The following ANK3 variants were observed in gnomAD, a reference collection of about 807,000 sequenced individuals.
ANK3 encodes the protein ankyrin 3, also known as ankyrin-3.
ANK3 carries 57 observed loss-of-function variants against 370.9 expected under a neutral mutation model. That is an observed-to-expected ratio of 0.15 (90% CI 0.12 to 0.19). The LOEUF (loss-of-function observed/expected upper bound fraction) is 0.19, where lower values mean the gene tolerates loss of function less well. Among genes scored for constraint, ANK3 ranks in the 10% least tolerant of loss-of-function variants. The pLI is 1.00. For missense variants in ANK3, 4,439 were observed against 5,302.1 expected, an observed-to-expected ratio of 0.84 and a Z score of 5.06; for synonymous variants, 1,929 against 1,946.3, an observed-to-expected ratio of 0.99 and a Z score of 0.23.
chr10:60,695,724 C>T (rs962862052), intron 1 of ANK3, among the ~76,000 whole-genome samples: 127 of 152,280 alleles, frequency 8.3e-4, no homozygotes, highest in African/African-American at 3.0e-3. Context: ...ACACAACATA[C>T]CAGAATCTCT....
At chr10:60,287,190 C>A (rs959956219) in intron 1 of ANK3, among the ~76,000 whole-genome samples, 2 of 152,062 alleles carry the variant, frequency 1.3e-5, no homozygotes, top group African/African-American at 4.8e-5. Flanking sequence ...ACAGTTTTTG[C>A]TTTCACATAT....
chr10:60,460,876 G>C (rs1234173695), intron 2 of ANK3, among the ~76,000 whole-genome samples: 1 of 152,108 alleles, frequency 6.6e-6, no homozygotes, highest in African/African-American at 2.4e-5. Context: ...ACATACATGA[G>C]ATATGACTCT....
At chr10:60,453,496 GT>G (rs1188164403) in intron 2 of ANK3, among the ~76,000 whole-genome samples, 12 of 152,176 alleles carry the variant, frequency 7.9e-5, no homozygotes, top group African/African-American at 2.7e-4. Flanking sequence ...GTGCATGTGT[GT>G]GACTACAAAA....
chr10:60,035,468 G>T lies in ANK3; in HGVS notation c.*20-5642C>A, dbSNP rs903199190. On this transcript the variant is annotated intron_variant, in intron 43 of 43. Transcript: ENST00000280772. ...GGGTTTCACCATGTTGGCCAGGCTG[G>T]TCTCTAACTTCTGACCTCAGGTGAT... 4.0e-5 allele frequency among the ~76,000 whole-genome samples: 6 copies of T among 151,818 alleles called. No homozygotes were observed. The Middle Eastern group carries it at 0.01, about 258-fold the overall frequency.
At chr10:60,462,241 AAGG>A (rs2064903895) in intron 2 of ANK3, among the ~76,000 whole-genome samples, 1 of 152,178 alleles carries the variant, frequency 6.6e-6, no homozygotes, top group Admixed American at 6.5e-5. Context: ...AAACTACCAA[AAGG>A]AGAAGACTCG....
chr10:60,263,912 T>C lies in ANK3; in HGVS notation c.622A>G (p.Ile208Val). ...TTCGTGTCGTCTTTTCGGGCCGCGA[T>C]ATGAAGAGCTGGGAGACGCACTTTT... ...KGKVRLPALH[I>V]AARKDDTKAA... is the part of the protein sequence containing the mutation. Residue 208 changes from isoleucine to valine, a missense_variant, in exon 6 of 44, where the codon ATC (isoleucine) becomes GTC (valine). Ile to Val is a conservative substitution (Grantham distance 29). Coordinates refer to ENST00000280772, the MANE Select transcript of ANK3 (RefSeq NM_020987.5). The C allele has an allele frequency of 6.2e-7, 1 of 1,614,094 alleles. No homozygotes were observed. Among genetic ancestry groups the C allele is most frequent in the Non-Finnish European group, 8.5e-7 (1 of 1,180,008 alleles).
chr10:60,138,824 G>T, intron 24 of ANK3, 140 bp downstream of exon 24: 1 of 1,055,974 alleles, frequency 9.5e-7, no homozygotes, highest in Non-Finnish European at 1.4e-6. Context: ...ATGTGTATTT[G>T]CGTCGAGAAC....
intron 2 of ANK3, among the ~76,000 whole-genome samples, chr10:60,525,676 C>T (rs895343230): frequency 5.3e-5 from 8 of 152,062 alleles, no homozygotes; most frequent in Non-Finnish European, 7.4e-5. Flanking sequence ...GGATTCCTGT[C>T]CCTTTACCAT....
intron 25 of ANK3, among the ~76,000 whole-genome samples, chr10:60,126,702 A>G (rs1294982168): frequency 6.6e-6 from 1 of 151,510 alleles, no homozygotes; most frequent in Non-Finnish European, 1.5e-5. Flanking sequence ...AAAAAAAAAG[A>G]AAAGAAAAAA....
intron 2 of ANK3, among the ~76,000 whole-genome samples, chr10:60,594,095 C>G (rs921583809): frequency 6.6e-6 from 1 of 152,146 alleles, no homozygotes; most frequent in African/African-American, 2.4e-5. Context: ...AAAGAATTAT[C>G]TGTTTTAATT....
chr10:60,658,473 T>TC (rs2078895191), intron 1 of ANK3, among the ~76,000 whole-genome samples: 1 of 152,002 alleles, frequency 6.6e-6, no homozygotes. Context: ...TCTACTGACC[T>TC]CCCCCCACAC....
chr10:60,500,507 T>C (rs1219165741), intron 2 of ANK3, among the ~76,000 whole-genome samples: 4 of 152,154 alleles, frequency 2.6e-5, no homozygotes, highest in African/African-American at 9.7e-5. Flanking sequence ...GCTATTCAGT[T>C]GCTTAACCTA....
At chr10:60,540,548 A>G (rs1423491935) in intron 2 of ANK3, among the ~76,000 whole-genome samples, 1 of 151,912 alleles carries the variant, frequency 6.6e-6, no homozygotes, top group African/African-American at 2.4e-5. Context: ...CCATTTACTG[A>G]GTTAATCCTA....
At chr10:60,135,251 T>A (rs758165951) in intron 24 of ANK3, among the ~76,000 whole-genome samples, 19 of 152,338 alleles carry the variant, frequency 1.2e-4, no homozygotes, top group Non-Finnish European at 2.2e-4. Flanking sequence ...CCCTGTGATC[T>A]TCCAGGAACT....
intron 1 of ANK3, among the ~76,000 whole-genome samples, chr10:60,701,809 T>C (rs971035636): frequency 6.6e-6 from 1 of 152,144 alleles, no homozygotes; most frequent in Non-Finnish European, 1.5e-5. Context: ...AGTATATATA[T>C]AAATGTGTAT....
At chr10:60,186,618 T>C in intron 17 of ANK3, 97 bp downstream of exon 17, 2 of 1,274,434 alleles carry the variant, frequency 1.6e-6, no homozygotes, top group East Asian at 2.5e-5. Flanking sequence ...ACTTTACACA[T>C]CCTATTTGAC....
chr10:60,078,314 A>T (rs559328672), intron 36 of ANK3, among the ~76,000 whole-genome samples: 5 of 152,320 alleles, frequency 3.3e-5, no homozygotes, highest in Non-Finnish European at 4.4e-5. Flanking sequence ...AAAGTGGAAG[A>T]ACTAAGGAAA....
At chr10:60,702,095 CA>C (rs1331105566) in intron 1 of ANK3, among the ~76,000 whole-genome samples, 3 of 151,282 alleles carry the variant, frequency 2.0e-5, no homozygotes, top group African/African-American at 7.3e-5. Flanking sequence ...TCCATCTCTA[CA>C]AAAAAAAGTA....
intron 2 of ANK3, among the ~76,000 whole-genome samples, chr10:60,479,741 T>C (rs1247864247): frequency 6.6e-6 from 1 of 151,578 alleles, no homozygotes; most frequent in East Asian, 2.0e-4. Context: ...GACAGCCAAC[T>C]ATGTTGGTCG....
Sources: gnomAD v4.1 joint callset for allele counts (sites outside exome capture counted in the v4.1 genomes callset) on GRCh38, gnomAD v4.1.1 for gene constraint, MANE v1.5 for transcripts, NCBI Gene and HGNC (gene_info 2026-07-23, HGNC 2026-07-21) for gene names.